CNTNAP2: variants seen among roughly 807,000 people sequenced by gnomAD.
The protein encoded by CNTNAP2 is contactin-associated protein-like 2.
CNTNAP2 carries 98 observed loss-of-function variants against 155.2 expected under a neutral mutation model. That is an observed-to-expected ratio of 0.63 (90% CI 0.54 to 0.75). The LOEUF is 0.75. CNTNAP2 is among the 30% of genes least tolerant of loss of function. The pLI is 0.00. For missense variants in CNTNAP2, 1,727 were observed against 1,688.1 expected (o/e 1.02, Z -0.40); for synonymous variants, 651 against 631.2 (o/e 1.03, Z -0.47).
intron 1 of CNTNAP2, among the ~76,000 whole-genome samples, chr7:146,293,818 A>G (rs1584852821): frequency 6.6e-6 from 1 of 152,184 alleles, no homozygotes; most frequent in Non-Finnish European, 1.5e-5. Context: ...AATAATTTCT[A>G]AATAATTTAA....
At chr7:146,222,541 A>AGTGTGTGT (rs10616515) in intron 1 of CNTNAP2, among the ~76,000 whole-genome samples, 2,578 of 147,326 alleles carry the variant, frequency 0.017, 65 homozygotes, top group African/African-American at 0.061. Flanking sequence ...ACTAAAGCAT[A>AGTGTGTGT]GTGTGTGTGT....
intron 1 of CNTNAP2, among the ~76,000 whole-genome samples, chr7:146,712,673 T>C (rs1463303649): frequency 1.3e-5 from 2 of 151,836 alleles, no homozygotes; most frequent in Non-Finnish European, 2.9e-5. Flanking sequence ...TTTTTTCTTT[T>C]TTAGTTTAAG....
chr7:147,899,339 T>TA (rs1799825289), intron 13 of CNTNAP2, among the ~76,000 whole-genome samples: 2 of 151,902 alleles, frequency 1.3e-5, no homozygotes, highest in South Asian at 2.1e-4. Flanking sequence ...GACCCTGTCT[T>TA]AAAAAAATAA....
chr7:146,196,347 A>G (rs1198034134), intron 1 of CNTNAP2, among the ~76,000 whole-genome samples: 1 of 152,200 alleles, frequency 6.6e-6, no homozygotes, highest in Non-Finnish European at 1.5e-5. Flanking sequence ...CATGTTTGTC[A>G]TAACAGCAAA....
At chr7:146,780,405 C>T (rs1585087132) in intron 2 of CNTNAP2, among the ~76,000 whole-genome samples, 1 of 151,752 alleles carries the variant, frequency 6.6e-6, no homozygotes, top group Non-Finnish European at 1.5e-5. Flanking sequence ...TAGCCAGGAT[C>T]GTCTCAATCT....
chr7:146,295,226 G>C (rs1193322778), intron 1 of CNTNAP2, among the ~76,000 whole-genome samples: 1 of 152,172 alleles, frequency 6.6e-6, no homozygotes, highest in Non-Finnish European at 1.5e-5. Context: ...TGACAATCTG[G>C]TATAAAATCC....
chr7:147,324,776 G>C (rs1195122946), intron 9 of CNTNAP2, among the ~76,000 whole-genome samples: 1 of 151,740 alleles, frequency 6.6e-6, no homozygotes, highest in African/African-American at 2.4e-5. Flanking sequence ...TGAGCTGGGG[G>C]GGCATTTTGT....
chr7:147,936,228 AGATCACT>A (rs933703854), intron 14 of CNTNAP2, among the ~76,000 whole-genome samples: 1 of 152,160 alleles, frequency 6.6e-6, no homozygotes, highest in Admixed American at 6.6e-5. Context: ...ACATGATTTT[AGATCACT>A]GATCTGAGTA....
chr7:147,033,798 G>GAAA (rs71525985), intron 3 of CNTNAP2, among the ~76,000 whole-genome samples: 178 of 118,902 alleles, frequency 1.5e-3, no homozygotes, highest in African/African-American at 5.0e-3. Context: ...GTGAAGAGGG[G>GAAA]AAAAAAAAAA....
chr7:148,115,399 A>G (rs996842158), intron 15 of CNTNAP2, among the ~76,000 whole-genome samples: 1 of 152,258 alleles, frequency 6.6e-6, no homozygotes, highest in Non-Finnish European at 1.5e-5. Flanking sequence ...AAATTTTAAA[A>G]TGTTAATTGC....
At chr7:147,104,802 G>A (rs1341878137) in intron 4 of CNTNAP2, among the ~76,000 whole-genome samples, 1 of 142,496 alleles carries the variant, frequency 7.0e-6, no homozygotes, top group Non-Finnish European at 1.5e-5. Flanking sequence ...GTACATTTTG[G>A]ACCATGACTA....
chr7:147,904,710 T>C (rs79517108), intron 14 of CNTNAP2, among the ~76,000 whole-genome samples: 5,660 of 152,326 alleles, frequency 0.037, 181 homozygotes, highest in Middle Eastern at 0.061. Flanking sequence ...GATGTCTGCT[T>C]ACTTTCTGAA....
chr7:147,996,572 A>C (rs1801808013), intron 15 of CNTNAP2, among the ~76,000 whole-genome samples: 1 of 152,208 alleles, frequency 6.6e-6, no homozygotes, highest in African/African-American at 2.4e-5. Flanking sequence ...GTGCTAGTAC[A>C]AAAGGTTGCT....
intron 8 of CNTNAP2, among the ~76,000 whole-genome samples, chr7:147,169,816 T>G (rs1393533854): frequency 1.3e-5 from 2 of 152,188 alleles, no homozygotes; most frequent in Non-Finnish European, 2.9e-5. Context: ...AATTTCTATT[T>G]TGCCTTTCAG....
intron 1 of CNTNAP2, among the ~76,000 whole-genome samples, chr7:146,586,477 T>A (rs1798694202): frequency 6.6e-6 from 1 of 152,086 alleles, no homozygotes; most frequent in African/African-American, 2.4e-5. Context: ...CATAGCAAAG[T>A]GAATTAATAT....
intron 1 of CNTNAP2, among the ~76,000 whole-genome samples, chr7:146,352,750 G>GTTTTGTTTTTTTTTTTTTTTT (rs1794934626): frequency 1.6e-5 from 1 of 64,338 alleles, no homozygotes; most frequent in Non-Finnish European, 2.9e-5. Context: ...GCATAATTCT[G>GTTTTGTTTTTTTTTTTTTTTT]TTTTTTTTTT....
At chr7:148,114,329 C>G (rs1585132751) in intron 15 of CNTNAP2, among the ~76,000 whole-genome samples, 3 of 151,928 alleles carry the variant, frequency 2.0e-5, no homozygotes, top group Admixed American at 6.6e-5. Flanking sequence ...CCCAGGTTAC[C>G]AAAAAGAACA....
intron 13 of CNTNAP2, among the ~76,000 whole-genome samples, chr7:147,867,331 G>T (rs1033416347): frequency 2.0e-5 from 3 of 152,162 alleles, no homozygotes; most frequent in Non-Finnish European, 4.4e-5. Context: ...TTTGTCTGAT[G>T]GGCTTCCCTT....
At chr7:148,319,602 C>T (rs1159788647) in intron 21 of CNTNAP2, among the ~76,000 whole-genome samples, 5 of 151,994 alleles carry the variant, frequency 3.3e-5, no homozygotes, top group East Asian at 1.9e-4. Context: ...CCCCATGGCT[C>T]GCATTACCAC....
Sources: allele counts gnomAD v4.1 joint callset (sites outside exome capture counted in the v4.1 genomes callset), GRCh38; gene constraint gnomAD v4.1.1; transcripts MANE v1.5; gene names NCBI Gene and HGNC (gene_info 2026-07-23, HGNC 2026-07-21).